COL5A1: variants seen among roughly 807,000 people sequenced by gnomAD.
COL5A1 encodes the protein collagen alpha-1(V) chain.
In COL5A1, 16 loss-of-function variants were observed where a neutral mutation model predicts 263.7. The observed-to-expected ratio is 0.06, with a 90% confidence interval of 0.04 to 0.09. The LOEUF (loss-of-function observed/expected upper bound fraction) is 0.09. Ranked by LOEUF, COL5A1 falls within the 10% of genes least tolerant of loss-of-function variation. The probability of loss-of-function intolerance (pLI) is 1.00; values close to 1 mark genes in which losing one functional copy is unlikely to be tolerated. For missense variants in COL5A1, 2,036 were observed against 2,540.5 expected, an observed-to-expected ratio of 0.80 and a Z score of 4.27; for synonymous variants, 1,012 against 1,004.5, an observed-to-expected ratio of 1.01 and a Z score of -0.14.
In COL5A1 at chr9:134,757,206, C is replaced by T. The variant is rs1204708177; in HGVS notation, c.1881+388C>T. Among the ~76,000 whole-genome samples, 2 of 152,052 alleles carry T rather than the reference C, an allele frequency of 1.3e-5. No individual in the cohort carries two copies. The highest frequency in any genetic ancestry group is 2.9e-5 in the Non-Finnish European group (2 of 68,012). On this transcript the variant is annotated intron_variant, in intron 17 of 65. Coordinates refer to ENST00000371817, the MANE Select transcript of COL5A1 (RefSeq NM_000093.5). The surrounding 1 kb of genome is among the most constrained non-coding windows in gnomAD (Gnocchi z 6.2). ...GTGTTGTGGAGGTGAGTAGATGTTG[C>T]CCGTGGCTAAAGGCAGGGCTGTGTG...
At chr9:134,656,886 T>G (rs1831990361) in intron 1 of COL5A1, among the ~76,000 whole-genome samples, 2 of 123,620 alleles carry the variant, frequency 1.6e-5, no homozygotes, top group African/African-American at 6.4e-5. Context: ...GCAAGGGGTG[T>G]ACATTATAGA....
intron 64 of COL5A1, among the ~76,000 whole-genome samples, chr9:134,830,923 A>C (rs1839591587): frequency 6.6e-6 from 1 of 152,148 alleles, no homozygotes; most frequent in Admixed American, 6.5e-5. Context: ...TGAAGAGCAG[A>C]GTTCTGTCTT....
At chr9:134,736,548 T>G (rs1184864999) in intron 9 of COL5A1, among the ~76,000 whole-genome samples, 1 of 152,186 alleles carries the variant, frequency 6.6e-6, no homozygotes, top group Non-Finnish European at 1.5e-5. Context: ...AGGATTCAGT[T>G]TCCAACACAT....
intron 1 of COL5A1, among the ~76,000 whole-genome samples, chr9:134,655,986 G>A (rs574181007): frequency 9.6e-4 from 146 of 152,296 alleles, no homozygotes; most frequent in Non-Finnish European, 1.7e-3. Context: ...GTTGCCTGGT[G>A]TTTTCTGGGA....
At chr9:134,711,808 C>T (rs145278332) in intron 4 of COL5A1, among the ~76,000 whole-genome samples, 138 of 152,188 alleles carry the variant, frequency 9.1e-4, no homozygotes, top group African/African-American at 3.3e-3. Flanking sequence ...AATCCCCGCT[C>T]TTCAGTCACA....
At chr9:134,807,600 G>A (rs1838341233) in intron 42 of COL5A1, among the ~76,000 whole-genome samples, 1 of 152,186 alleles carries the variant, frequency 6.6e-6, no homozygotes, top group Non-Finnish European at 1.5e-5. Flanking sequence ...GCCAGAAACT[G>A]TGATTTTCTT....
intron 39 of COL5A1, among the ~76,000 whole-genome samples, chr9:134,804,309 A>C (rs1313507588): frequency 6.6e-6 from 1 of 152,198 alleles, no homozygotes; most frequent in Admixed American, 6.5e-5. Flanking sequence ...GACCCCAGAG[A>C]ACATTTTGGA....
At chr9:134,669,013 A>C (rs1588421379) in intron 1 of COL5A1, among the ~76,000 whole-genome samples, 2 of 107,714 alleles carry the variant, frequency 1.9e-5, no homozygotes, top group African/African-American at 3.6e-5. Flanking sequence ...TCACCCAACC[A>C]TCCATCCCAT....
At chr9:134,771,105 C>T (rs1343263614) in intron 25 of COL5A1, among the ~76,000 whole-genome samples, 1 of 152,232 alleles carries the variant, frequency 6.6e-6, no homozygotes, top group East Asian at 1.9e-4. Context: ...TGCAGATGTG[C>T]TGTTATCTCC....
At chr9:134,760,354 C>CACA (rs1564439985) in intron 18 of COL5A1, among the ~76,000 whole-genome samples, 1 of 99,896 alleles carries the variant, frequency 1.0e-5, no homozygotes, top group African/African-American at 4.9e-5. Flanking sequence ...CCCACACACC[C>CACA]CCACACATAC....
chr9:134,756,681 C>T, intron 16 of COL5A1, 84 bp from the exon 17 acceptor site: 1 of 1,458,048 alleles, frequency 6.9e-7, no homozygotes, highest in Non-Finnish European at 9.6e-7. Context: ...GAACGCTCAA[C>T]TTGGTTTAAC....
intron 41 of COL5A1, among the ~76,000 whole-genome samples, chr9:134,805,950 G>A (rs1838282247): frequency 6.6e-6 from 1 of 152,164 alleles, no homozygotes; most frequent in Non-Finnish European, 1.5e-5. Flanking sequence ...TTGAAGGCAA[G>A]CACACCACAG....
chr9:134,835,128 G>A lies in COL5A1; in HGVS notation c.5294G>A (p.Arg1765His), dbSNP rs150608071. 45 of 1,613,840 alleles carry A rather than the reference G, an allele frequency of 2.8e-5. No homozygotes were observed. In the Middle Eastern group the frequency reaches 4.9e-4, roughly 18 times the overall value. The change falls in exon 65 of 66, where the codon CGC becomes CAC. Residue 1765 changes from arginine (R) to histidine (H), a missense_variant. Coordinates refer to ENST00000371817, the MANE Select transcript of COL5A1 (RefSeq NM_000093.5). ...ACGGGCAGCTACGACAAGGCCCTCC[G>A]CTTCCTGGGCTCCAACGACGAGGAG... is the stretch of plus-strand genomic sequence containing the variant. ...AATGSYDKALRFLGSNDEEMS... is the reference protein window; with the variant it reads ...AATGSYDKALHFLGSNDEEMS...
At chr9:134,711,044 G>A (rs1320101758) in intron 4 of COL5A1, among the ~76,000 whole-genome samples, 2 of 151,872 alleles carry the variant, frequency 1.3e-5, no homozygotes, top group African/African-American at 2.4e-5. Context: ...GTGGGGGAGG[G>A]GACCACTTGG....
At position 134,716,079 on chromosome 9, in the gene COL5A1, A is replaced by G. The variant is rs1223037659; in HGVS notation, c.655-11187A>G. 2.0e-5 allele frequency among the ~76,000 whole-genome samples: 3 copies of G among 151,976 alleles called. No individual in the cohort carries two copies. The stretch of plus-strand genomic sequence containing the variant: ...TGCTGGTGGTGGTCATGATGCTAGC[A>G]GTGTGGTGGTTCTGTGGTTTTGGTG... On this transcript the variant is annotated intron_variant, in intron 4 of 65. Coordinates refer to ENST00000371817, the MANE Select transcript of COL5A1 (RefSeq NM_000093.5). This position sits in a 1 kb window ranked among gnomAD's most constrained non-coding sequence, Gnocchi z 4.5.
At chr9:134,820,595 C>A (rs1365743179) in intron 58 of COL5A1, among the ~76,000 whole-genome samples, 1 of 152,208 alleles carries the variant, frequency 6.6e-6, no homozygotes, top group Non-Finnish European at 1.5e-5. Context: ...GCCGTGTTTG[C>A]CAGAGCTGCG....
At chr9:134,756,063 T>C (rs568396413) in intron 16 of COL5A1, among the ~76,000 whole-genome samples, 10 of 152,120 alleles carry the variant, frequency 6.6e-5, no homozygotes, top group Admixed American at 2.0e-4. Context: ...CTGAGTTTCA[T>C]AGAGACCCTG....
intron 65 of COL5A1, among the ~76,000 whole-genome samples, chr9:134,835,723 A>G (rs2132928149): frequency 6.6e-6 from 1 of 152,274 alleles, no homozygotes; most frequent in African/African-American, 2.4e-5. Flanking sequence ...TGGAGGCCGG[A>G]GCGGCGGGAG....
intron 16 of COL5A1, among the ~76,000 whole-genome samples, chr9:134,756,228 G>A (rs1462497612): frequency 1.3e-5 from 2 of 152,212 alleles, no homozygotes; most frequent in Non-Finnish European, 2.9e-5. Flanking sequence ...TCTGCTCACC[G>A]TGCAGATGCT....
Sources: allele counts gnomAD v4.1 joint callset (sites outside exome capture counted in the v4.1 genomes callset), GRCh38; gene constraint gnomAD v4.1.1; non-coding constraint Gnocchi (gnomAD v3.1); transcripts MANE v1.5; gene names NCBI Gene and HGNC (gene_info 2026-07-23, HGNC 2026-07-21).